Variants in ADGRL3 observed in about 807,000 individuals in gnomAD.
ADGRL3 encodes adhesion G protein-coupled receptor L3, also known as calcium-independent alpha-latrotoxin receptor 3.
In ADGRL3, 62 loss-of-function variants were observed where a neutral mutation model predicts 153.5. The ratio of observed to expected loss-of-function variants is 0.40; its 90% CI spans 0.33 to 0.50. ADGRL3 has a LOEUF of 0.50. Ranked by LOEUF, ADGRL3 falls within the 20% of genes least tolerant of loss-of-function variation. The pLI, the probability that ADGRL3 is intolerant of heterozygous loss-of-function variation, is 0.47. For synonymous variants in ADGRL3, 710 were observed against 672.5 expected (o/e 1.06, Z -0.86); for missense variants, 1,641 against 1,859.4 (o/e 0.88, Z 2.16).
chr4:61,931,652 G>A (rs2098818032), intron 13 of ADGRL3, among the ~76,000 whole-genome samples: 1 of 152,070 alleles, frequency 6.6e-6, no homozygotes, highest in African/African-American at 2.4e-5. Flanking sequence ...CTGTGAACAG[G>A]TGCGTTTTTG....
intron 5 of ADGRL3, among the ~76,000 whole-genome samples, chr4:61,594,357 A>G (rs2098980854): frequency 6.6e-6 from 1 of 152,030 alleles, no homozygotes; most frequent in South Asian, 2.1e-4. Context: ...TGTTGTTGAT[A>G]CTTATAGGTG....
intron 5 of ADGRL3, 36 bp downstream of exon 5, chr4:61,587,476 A>G (rs1226642291): frequency 5.4e-5 from 78 of 1,444,028 alleles, no homozygotes; most frequent in Non-Finnish European, 7.3e-5. Flanking sequence ...TTTGTGCACA[A>G]TATAAACCTT....
intron 5 of ADGRL3, among the ~76,000 whole-genome samples, chr4:61,619,391 A>T (rs1295692857): frequency 6.6e-6 from 1 of 152,006 alleles, no homozygotes; most frequent in African/African-American, 2.4e-5. Context: ...CAAGAAAATT[A>T]TTTTCTTTGG....
intron 18 of ADGRL3, among the ~76,000 whole-genome samples, chr4:61,982,115 G>T: frequency 6.6e-6 from 1 of 152,236 alleles, no homozygotes; most frequent in Non-Finnish European, 1.5e-5. Flanking sequence ...TTGTTAGCTT[G>T]CAATTCAAAT....
intron 8 of ADGRL3, among the ~76,000 whole-genome samples, chr4:61,758,861 G>T (rs900035299): frequency 4.6e-5 from 7 of 152,180 alleles, no homozygotes; most frequent in East Asian, 1.9e-4. Flanking sequence ...AGGAGCTCTT[G>T]TAGGGCAGGC....
chr4:61,865,288 G>A (rs2098389266), intron 9 of ADGRL3, among the ~76,000 whole-genome samples: 1 of 152,016 alleles, frequency 6.6e-6, no homozygotes, highest in Non-Finnish European at 1.5e-5. Context: ...CTAAATCTAA[G>A]TAGTTTTGAA....
At chr4:61,876,785 C>T (rs2098478009) in intron 9 of ADGRL3, among the ~76,000 whole-genome samples, 2 of 151,434 alleles carry the variant, frequency 1.3e-5, no homozygotes, top group African/African-American at 4.8e-5. Context: ...TAATCCACCC[C>T]TTGTTTAGCA....
chr4:61,458,370 A>G (rs1381294455), intron 2 of ADGRL3, among the ~76,000 whole-genome samples: 1 of 151,384 alleles, frequency 6.6e-6, no homozygotes, highest in Non-Finnish European at 1.5e-5. Context: ...TTTATAAAAA[A>G]CAATAATTTT....
intron 1 of ADGRL3, among the ~76,000 whole-genome samples, chr4:61,238,877 T>G (rs1401270551): frequency 6.6e-6 from 1 of 152,152 alleles, no homozygotes; most frequent in Admixed American, 6.6e-5. Flanking sequence ...TAAAAAAAAC[T>G]TATTTTAGCT....
chr4:61,343,576 A>C (rs1359556269), intron 1 of ADGRL3, among the ~76,000 whole-genome samples: 1 of 152,162 alleles, frequency 6.6e-6, no homozygotes, highest in Non-Finnish European at 1.5e-5. Context: ...CTAGGCTATA[A>C]ATAAACTGTG....
intron 6 of ADGRL3, among the ~76,000 whole-genome samples, chr4:61,714,245 A>G (rs1413303783): frequency 1.3e-5 from 2 of 152,170 alleles, no homozygotes; most frequent in Admixed American, 6.5e-5. Context: ...AATTAAAAAT[A>G]CATTTTGCAG....
intron 8 of ADGRL3, among the ~76,000 whole-genome samples, chr4:61,746,170 A>C (rs2096657866): frequency 6.6e-6 from 1 of 152,164 alleles, no homozygotes; most frequent in South Asian, 2.1e-4. Flanking sequence ...TCCTAAATAT[A>C]TATGCACCCA....
chr4:61,644,614 C>G (rs894256127), intron 5 of ADGRL3, among the ~76,000 whole-genome samples: 2 of 152,106 alleles, frequency 1.3e-5, no homozygotes, highest in African/African-American at 4.8e-5. Flanking sequence ...GATTCTTAAT[C>G]CTGAGTTGTA....
At chr4:61,931,311 G>C (rs1254931120) in intron 13 of ADGRL3, among the ~76,000 whole-genome samples, 1 of 152,152 alleles carries the variant, frequency 6.6e-6, no homozygotes, top group Admixed American at 6.6e-5. Flanking sequence ...AATTCAGTGT[G>C]GCTATTTAGC....
intron 2 of ADGRL3, among the ~76,000 whole-genome samples, chr4:61,473,666 C>A (rs756420479): frequency 6.6e-5 from 10 of 151,772 alleles, no homozygotes; most frequent in Non-Finnish European, 7.4e-5. Context: ...ACACTAAGAG[C>A]TTAATAAGTA....
At chr4:61,454,259 G>A (rs1020063329) in intron 2 of ADGRL3, among the ~76,000 whole-genome samples, 4 of 151,692 alleles carry the variant, frequency 2.6e-5, no homozygotes, top group South Asian at 4.1e-4. Context: ...TGGAGAAGAG[G>A]TTAAAAACAA....
intron 1 of ADGRL3, among the ~76,000 whole-genome samples, chr4:61,270,244 A>G (rs1002504467): frequency 6.6e-6 from 1 of 151,726 alleles, no homozygotes; most frequent in Admixed American, 6.6e-5. Context: ...TTTTAAGCCT[A>G]AACTTTAAAT....
intron 5 of ADGRL3, among the ~76,000 whole-genome samples, chr4:61,647,732 A>G (rs2094084557): frequency 2.0e-5 from 3 of 150,602 alleles, no homozygotes; most frequent in Admixed American, 2.0e-4. Context: ...TAGACTTTTC[A>G]CACTGAAATT....
At chr4:61,247,725 T>C (rs928656718) in intron 1 of ADGRL3, among the ~76,000 whole-genome samples, 2 of 152,068 alleles carry the variant, frequency 1.3e-5, no homozygotes. Flanking sequence ...TGCCTTTTCC[T>C]ACCCCTGTAT....
Sources: gnomAD v4.1 joint callset for allele counts (sites outside exome capture counted in the v4.1 genomes callset) on GRCh38, gnomAD v4.1.1 for gene constraint, MANE v1.5 for transcripts, NCBI Gene and HGNC (gene_info 2026-07-23, HGNC 2026-07-21) for gene names.